Variants in SAMMSON observed in about 807,000 individuals in gnomAD.
SAMMSON encodes survival associated mitochondrial melanoma specific oncogenic non-coding RNA.
chr3:70,434,492 C>T (rs548509777), intron 2 of SAMMSON, among the ~76,000 whole-genome samples: 2 of 152,168 alleles, frequency 1.3e-5, no homozygotes, highest in Non-Finnish European at 2.9e-5. Flanking sequence ...TTGCTGTAAT[C>T]ACTTATTAGT....
chr3:70,274,412 A>C (rs145078544), intron 6 of SAMMSON, among the ~76,000 whole-genome samples: 2 of 150,840 alleles, frequency 1.3e-5, no homozygotes, highest in African/African-American at 5.0e-5. Context: ...ACTGATATAT[A>C]ATTTTTAATG....
At chr3:70,309,670 T>G (rs1296496099) in intron 7 of SAMMSON, among the ~76,000 whole-genome samples, 2 of 152,180 alleles carry the variant, frequency 1.3e-5, no homozygotes, top group Non-Finnish European at 2.9e-5. Context: ...CCATATACTT[T>G]TTCTTAACAT....
intron 2 of SAMMSON, among the ~76,000 whole-genome samples, chr3:70,421,155 C>T (rs1481183599): frequency 6.6e-5 from 10 of 152,150 alleles, no homozygotes; most frequent in Admixed American, 5.9e-4. Flanking sequence ...TGCTCAGTTA[C>T]AGTTAGTAAA....
intron 7 of SAMMSON, among the ~76,000 whole-genome samples, chr3:70,341,994 G>A (rs1702714721): frequency 6.6e-6 from 1 of 152,172 alleles, no homozygotes; most frequent in African/African-American, 2.4e-5. Flanking sequence ...GGTTATTGGA[G>A]CCTTGATGTA....
chr3:70,336,858 G>GTGTGTGTGTGGA (rs1491478364), intron 7 of SAMMSON, among the ~76,000 whole-genome samples: 1 of 135,768 alleles, frequency 7.4e-6, no homozygotes, highest in Non-Finnish European at 1.6e-5. Flanking sequence ...GTGTGTGTGT[G>GTGTGTGTGTGGA]GAGAGAGAGA....
chr3:70,064,481 G>T (rs1243747420), intron 3 of SAMMSON, among the ~76,000 whole-genome samples: 1 of 152,116 alleles, frequency 6.6e-6, no homozygotes, highest in Non-Finnish European at 1.5e-5. Context: ...AGAAAGTGAT[G>T]CCAGTTCAGC....
At chr3:70,163,590 T>A (rs1389475209) in intron 4 of SAMMSON, among the ~76,000 whole-genome samples, 1 of 151,890 alleles carries the variant, frequency 6.6e-6, no homozygotes, top group Non-Finnish European at 1.5e-5. Flanking sequence ...TTTAACTTAC[T>A]CTCATAGGCA....
At chr3:70,090,793 A>C (rs78092504) in intron 4 of SAMMSON, among the ~76,000 whole-genome samples, 1 of 151,066 alleles carries the variant, frequency 6.6e-6, no homozygotes, top group African/African-American at 2.4e-5. Flanking sequence ...AAAAAAAAAA[A>C]CCATTGGCTG....
At chr3:70,016,249 T>C (rs955609248) in intron 3 of SAMMSON, among the ~76,000 whole-genome samples, 23 of 152,238 alleles carry the variant, frequency 1.5e-4, no homozygotes, top group Admixed American at 8.5e-4. Flanking sequence ...TTTTAATGAT[T>C]GCCATTCTAA....
intron 3 of SAMMSON, among the ~76,000 whole-genome samples, chr3:70,019,191 C>T (rs1392653668): frequency 2.6e-5 from 4 of 152,120 alleles, no homozygotes; most frequent in Non-Finnish European, 5.9e-5. Context: ...GTGTTAAAGT[C>T]TCCCGTTATT....
At chr3:70,046,944 A>C (rs1489310375) in intron 3 of SAMMSON, among the ~76,000 whole-genome samples, 3 of 152,054 alleles carry the variant, frequency 2.0e-5, no homozygotes, top group Admixed American at 6.6e-5. Flanking sequence ...TTAAGGACTC[A>C]TGTGACTAGG....
chr3:70,287,684 G>A (rs57485506), intron 6 of SAMMSON, among the ~76,000 whole-genome samples: 31,143 of 151,690 alleles, frequency 0.21, 3,352 homozygotes, highest in South Asian at 0.28. Context: ...AATCCGTCTG[G>A]TCCTGGACTC....
intron 4 of SAMMSON, among the ~76,000 whole-genome samples, chr3:70,245,674 TATA>T (rs1422496062): frequency 5.7e-5 from 3 of 53,048 alleles, no homozygotes; most frequent in African/African-American, 4.8e-4. Context: ...AACTGCTTTA[TATA>T]TATATATATA....
At chr3:70,150,301 TA>T (rs1217824218) in intron 4 of SAMMSON, among the ~76,000 whole-genome samples, 1 of 152,136 alleles carries the variant, frequency 6.6e-6, no homozygotes, top group African/African-American at 2.4e-5. Context: ...CTGGTTTCAA[TA>T]AAAGCTCTAA....
At chr3:70,162,550 C>A (rs995923987) in intron 4 of SAMMSON, among the ~76,000 whole-genome samples, 3 of 151,714 alleles carry the variant, frequency 2.0e-5, no homozygotes, top group Non-Finnish European at 4.4e-5. Context: ...TGTAGTATAG[C>A]CTAGTTTATC....
At chr3:70,101,913 G>T (rs1360040341) in intron 4 of SAMMSON, among the ~76,000 whole-genome samples, 1 of 152,172 alleles carries the variant, frequency 6.6e-6, no homozygotes. Context: ...ATGATTAAAA[G>T]TTATGAGGTT....
At chr3:70,327,735 T>C (rs532439470) in intron 7 of SAMMSON, among the ~76,000 whole-genome samples, 28 of 152,216 alleles carry the variant, frequency 1.8e-4, no homozygotes, top group African/African-American at 6.3e-4. Context: ...TCCTCAGATA[T>C]CATCCTAGTA....
chr3:70,343,355 A>C (rs1279516294), intron 7 of SAMMSON, among the ~76,000 whole-genome samples: 1 of 152,124 alleles, frequency 6.6e-6, no homozygotes, highest in African/African-American at 2.4e-5. Context: ...CATTACCTTT[A>C]GTATTAATAA....
chr3:70,327,887 C>T (rs1702590352), intron 7 of SAMMSON, among the ~76,000 whole-genome samples: 2 of 152,168 alleles, frequency 1.3e-5, no homozygotes, highest in South Asian at 2.1e-4. Context: ...CAGAACAAGA[C>T]AATGTAAAGT....
Sources: gnomAD v4.1 joint callset for allele counts (sites outside exome capture counted in the v4.1 genomes callset) on GRCh38, gnomAD v4.1.1 for gene constraint, MANE v1.5 for transcripts, NCBI Gene and HGNC (gene_info 2026-07-23, HGNC 2026-07-21) for gene names.